The following RBM6 variants were observed in gnomAD, a reference collection of about 807,000 sequenced individuals.
RBM6 encodes the protein RNA binding motif protein 6, also known as RNA-binding protein 6.
Under a neutral mutation model 140.4 loss-of-function variants are expected in RBM6, and 23 were observed. That is an observed-to-expected ratio of 0.16 (90% confidence interval 0.12 to 0.23). The LOEUF (loss-of-function observed/expected upper bound fraction) is 0.23. Ranked by LOEUF, RBM6 falls within the 10% of genes least tolerant of loss-of-function variation. The probability of loss-of-function intolerance (pLI) is 1.00; values close to 1 mark genes in which losing one functional copy is unlikely to be tolerated. For synonymous variants in RBM6, 439 were observed against 475.6 expected, an observed-to-expected ratio of 0.92 and a Z score of 1.00; for missense variants, 1,139 against 1,386.7, an observed-to-expected ratio of 0.82 and a Z score of 2.84.
chr3:49,962,915 G>C, intron 2 of RBM6: 1 of 338,370 alleles, frequency 3.0e-6, no homozygotes, highest in Non-Finnish European at 5.3e-6. Flanking sequence ...GGCTATCACG[G>C]TGAAACCCCG....
chr3:50,061,637 A>T, intron 14 of RBM6, 90 bp downstream of exon 14: 1 of 1,480,746 alleles, frequency 6.8e-7, no homozygotes. Context: ...CTACTTGAGG[A>T]TTTTATTCCC....
chr3:49,968,809 C>T (rs1575576254), intron 3 of RBM6, 61 bp downstream of exon 3: 1 of 1,413,886 alleles, frequency 7.1e-7, no homozygotes, highest in South Asian at 1.5e-5. Context: ...GAGACGGAGT[C>T]TCGCTCTGTT....
At chr3:50,061,842 C>G in intron 14 of RBM6, 120 bp from the exon 15 acceptor site, 1 of 1,363,462 alleles carries the variant, frequency 7.3e-7, no homozygotes, top group Non-Finnish European at 9.9e-7. Context: ...GTGGACTCTT[C>G]TTAGACTTGT....
At chr3:49,983,097 G>A (rs2085387320) in intron 5 of RBM6, among the ~76,000 whole-genome samples, 1 of 152,032 alleles carries the variant, frequency 6.6e-6, no homozygotes, top group Non-Finnish European at 1.5e-5. Context: ...CTCCTGCCTT[G>A]GACTCCCAAA....
intron 7 of RBM6, among the ~76,000 whole-genome samples, chr3:50,050,377 A>G (rs1286630835): frequency 6.6e-6 from 1 of 152,194 alleles, no homozygotes; most frequent in African/African-American, 2.4e-5. Flanking sequence ...TGTATGTTGC[A>G]GTATTTATCA....
intron 19 of RBM6, among the ~76,000 whole-genome samples, chr3:50,072,543 C>T (rs898720138): frequency 2.6e-5 from 4 of 152,150 alleles, no homozygotes; most frequent in Non-Finnish European, 5.9e-5. Context: ...GGCATTCCAG[C>T]TTATTTGATC....
chr3:50,058,316 A>G (rs2108910494), intron 9 of RBM6, 86 bp from the exon 10 acceptor site: 1 of 1,426,252 alleles, frequency 7.0e-7, no homozygotes, highest in South Asian at 1.2e-5. Context: ...CATCTATAGT[A>G]AAAAATGACA....
chr3:50,071,530 A>C (rs578040934), intron 19 of RBM6, among the ~76,000 whole-genome samples: 2 of 152,258 alleles, frequency 1.3e-5, no homozygotes, highest in Non-Finnish European at 2.9e-5. Context: ...TAGAAAGGAG[A>C]GTGGCCTATA....
intron 5 of RBM6, among the ~76,000 whole-genome samples, chr3:49,979,656 G>A (rs2085216165): frequency 1.3e-5 from 2 of 152,080 alleles, no homozygotes; most frequent in Admixed American, 6.6e-5. Flanking sequence ...GGCCAGGCTG[G>A]TCTTGAACTC....
intron 1 of RBM6, among the ~76,000 whole-genome samples, chr3:49,952,178 G>A (rs748547679): frequency 2.6e-5 from 4 of 151,944 alleles, no homozygotes; most frequent in South Asian, 2.1e-4. Context: ...AGGACTACAG[G>A]TGTGTGCCAC....
intron 6 of RBM6, among the ~76,000 whole-genome samples, chr3:50,025,127 A>G (rs1242339099): frequency 2.0e-5 from 3 of 150,964 alleles, no homozygotes; most frequent in Admixed American, 2.0e-4. Context: ...ATGTTTTTTC[A>G]AAGTTGTTAT....
chr3:50,047,443 G>A (rs2089275810), intron 6 of RBM6: 1 of 622,952 alleles, frequency 1.6e-6, no homozygotes, highest in Non-Finnish European at 2.0e-6. Context: ...TTATTTTAAT[G>A]TGAAATAGAA....
chr3:50,027,613 G>T (rs560646777), intron 6 of RBM6, among the ~76,000 whole-genome samples: 2 of 152,118 alleles, frequency 1.3e-5, no homozygotes, highest in East Asian at 1.9e-4. Flanking sequence ...TTTTGTGACT[G>T]GCTTCTTTTA....
At chr3:50,006,681 C>T (rs1477436614) in intron 6 of RBM6, among the ~76,000 whole-genome samples, 1 of 150,458 alleles carries the variant, frequency 6.6e-6, no homozygotes, top group East Asian at 2.0e-4. Flanking sequence ...GCCTGTAATC[C>T]TAGCAAGTTG....
At chr3:50,052,042 A>G (rs1246861050) in intron 7 of RBM6, among the ~76,000 whole-genome samples, 1 of 152,218 alleles carries the variant, frequency 6.6e-6, no homozygotes, top group East Asian at 1.9e-4. Flanking sequence ...TGAATTGTAC[A>G]CATAAAATAG....
rs142139579 is a variant in RBM6 at position 50,043,336 on chromosome 3, A to G, written c.1558-4909A>G. Among the ~76,000 whole-genome samples the G allele has an allele frequency of 2.6e-3, 398 of 151,936 alleles. 1 individual carries two copies. Among genetic ancestry groups the G allele is most frequent in the African/African-American group, 9.1e-3 (378 of 41,482 alleles). On this transcript the variant is annotated intron_variant, in intron 6 of 20. Coordinates refer to ENST00000266022, the MANE Select transcript of RBM6 (RefSeq NM_005777.3). ...CATCTCTACTAAAAATACAAAAATT[A>G]TCCCGGTGTAGTGGCGCACACCTGT...
At chr3:50,043,782 C>T (rs2108866323) in intron 6 of RBM6, among the ~76,000 whole-genome samples, 1 of 152,096 alleles carries the variant, frequency 6.6e-6, no homozygotes, top group East Asian at 1.9e-4. Context: ...CGGGATTTCA[C>T]CATGTTGGCA....
chr3:49,944,559 T>C (rs1575503395), intron 1 of RBM6, among the ~76,000 whole-genome samples: 1 of 148,798 alleles, frequency 6.7e-6, no homozygotes, highest in Middle Eastern at 3.5e-3. Context: ...CACTGCAACC[T>C]CTGCCTCCTG....
chr3:49,987,440 C>T (rs946983007), intron 5 of RBM6, among the ~76,000 whole-genome samples: 6 of 151,724 alleles, frequency 4.0e-5, no homozygotes, highest in Non-Finnish European at 8.8e-5. Context: ...CTCAGCTTCC[C>T]GAGTAGCTGG....
Sources: allele counts gnomAD v4.1 joint callset (sites outside exome capture counted in the v4.1 genomes callset), GRCh38; gene constraint gnomAD v4.1.1; transcripts MANE v1.5; gene names NCBI Gene and HGNC (gene_info 2026-07-23, HGNC 2026-07-21).